Variants in NSUN2 observed in about 807,000 individuals in gnomAD.
The protein encoded by NSUN2 is RNA cytosine C(5)-methyltransferase NSUN2.
In NSUN2, 63 loss-of-function variants were observed where a neutral mutation model predicts 92.7. The ratio of observed to expected loss-of-function variants is 0.68; its 90% CI spans 0.56 to 0.84. The LOEUF (loss-of-function observed/expected upper bound fraction) is 0.84. Ranked by LOEUF, NSUN2 falls within the 40% of genes least tolerant of loss-of-function variation. The pLI, the probability that NSUN2 is intolerant of heterozygous loss-of-function variation, is 0.00. For missense variants in NSUN2, 989 were observed against 964.9 expected, an observed-to-expected ratio of 1.02 and a Z score of -0.33; for synonymous variants, 356 against 348.3, an observed-to-expected ratio of 1.02 and a Z score of -0.25.
chr5:6,605,039 C>G (rs1245979901), intron 15 of NSUN2: 2 of 614,688 alleles, frequency 3.3e-6, no homozygotes, highest in African/African-American at 3.7e-5. Context: ...CACCCCCCTG[C>G]GGGAATGGGG....
At chr5:6,626,380 CT>C (rs34809741) in intron 3 of NSUN2, among the ~76,000 whole-genome samples, 28,796 of 145,562 alleles carry the variant, frequency 0.2, 3,153 homozygotes, top group East Asian at 0.4. Flanking sequence ...AAAACACTGC[CT>C]TTTTTTTTTT....
chr5:6,620,336 C>T (rs371981979), intron 6 of NSUN2, 38 bp from the exon 7 acceptor site: 39 of 1,468,566 alleles, frequency 2.7e-5, no homozygotes, highest in Non-Finnish European at 3.6e-5. Flanking sequence ...TGAAATGGAG[C>T]CTAAGTGGAA....
chr5:6,632,431 T>C (rs1737957492), intron 2 of NSUN2, among the ~76,000 whole-genome samples, 168 bp downstream of exon 2: 1 of 152,182 alleles, frequency 6.6e-6, no homozygotes, highest in Non-Finnish European at 1.5e-5. Flanking sequence ...AATACCTCCG[T>C]GACCATTTCA....
intron 3 of NSUN2, 39 bp downstream of exon 3, chr5:6,631,834 C>T (rs766133845): frequency 1.5e-6 from 2 of 1,369,168 alleles, no homozygotes; most frequent in Non-Finnish European, 2.1e-6. Context: ...AGATTAATAT[C>T]CCAAATAAAT....
chr5:6,623,309 C>T (rs1475550687), intron 4 of NSUN2, 24 bp from the exon 5 acceptor site: 16 of 1,466,356 alleles, frequency 1.1e-5, no homozygotes, highest in Non-Finnish European at 1.4e-5. Flanking sequence ...AAAAAATCAG[C>T]AACAATTAGG....
chr5:6,612,250 G>A (rs1270957972), intron 9 of NSUN2, among the ~76,000 whole-genome samples: 1 of 152,176 alleles, frequency 6.6e-6, no homozygotes, highest in African/African-American at 2.4e-5. Context: ...GCTGCAGGAC[G>A]CCTGCTCCGT....
At chr5:6,622,549 T>C (rs1579375012) in intron 5 of NSUN2, among the ~76,000 whole-genome samples, 1 of 151,974 alleles carries the variant, frequency 6.6e-6, no homozygotes, top group Admixed American at 6.5e-5. Context: ...CTAATTCACC[T>C]AAAAAACACA....
At position 6,607,042 on chromosome 5, in the gene NSUN2, C is replaced by T. The variant is rs78481667; in HGVS notation, c.1509-130G>A. ...GTTTGCGGCAGATGTTGAAACCTTC[C>T]GGCTTCCACAGAGTCCAGCCCTCAC... On this transcript the variant is annotated intron_variant, in intron 13 of 18. Coordinates refer to ENST00000264670, the MANE Select transcript of NSUN2 (RefSeq NM_017755.6). The T allele has an allele frequency of 2.4e-3, 2,304 of 968,408 alleles. 29 individuals carry two copies. The African/African-American group carries it at 0.03, about 13-fold the overall frequency. 60.0% of individuals were successfully genotyped at this position (968,408 alleles called of 1,614,324 possible).
chr5:6,614,775 T>C (rs888526985), intron 9 of NSUN2, among the ~76,000 whole-genome samples: 1 of 151,954 alleles, frequency 6.6e-6, no homozygotes, highest in African/African-American at 2.4e-5. Context: ...TTTGCGGTAA[T>C]GAGACAGGCA....
chr5:6,632,959 AC>A lies in NSUN2; in HGVS notation c.20del (p.Gly7ValfsTer72). ...GCCGCTGCTGTTGCTGGAGCCGCCG[AC>A]CCCGCGACCGCCGCCCCATAGCCCA... MGRRSR[G>X]RRLQQQQRPE... is the part of the protein sequence containing the mutation. On this transcript the variant is annotated frameshift_variant, in exon 1 of 19. Coordinates refer to ENST00000264670, the MANE Select transcript of NSUN2 (RefSeq NM_017755.6). LOFTEE classifies it high-confidence loss of function. The A allele has an allele frequency of 2.7e-6, 4 of 1,489,648 alleles. No homozygotes were observed. The highest frequency in any genetic ancestry group is 2.8e-5 in the East Asian group (1 of 35,952). The allele number at this position is 1,489,648 out of a possible 1,614,324, so 92.3% of individuals were successfully genotyped here. A position where few individuals can be genotyped will look rare whatever the true frequency, so the allele number is the denominator to read the frequency against.
chr5:6,618,221 T>C (rs376808950), intron 7 of NSUN2, among the ~76,000 whole-genome samples, 197 bp from the exon 8 acceptor site: 1 of 152,232 alleles, frequency 6.6e-6, no homozygotes, highest in Admixed American at 6.5e-5. Flanking sequence ...TTTTAAATTA[T>C]ACTTCAATTT....
At chr5:6,632,453 G>T in intron 2 of NSUN2, 146 bp downstream of exon 2, 1 of 875,832 alleles carries the variant, frequency 1.1e-6, no homozygotes. Context: ...TGGACCCTGT[G>T]CTCCCCACCT....
intron 4 of NSUN2, among the ~76,000 whole-genome samples, chr5:6,625,114 A>C (rs1737604534): frequency 6.6e-6 from 1 of 151,962 alleles, no homozygotes; most frequent in African/African-American, 2.4e-5. Context: ...AAAAAAAAAA[A>C]CACAGTAAAA....
Position 6,632,915 on chromosome 5 carries a change from CCATCCTCCG to C in NSUN2, c.56_64del (p.Ala19_Asp21del). ...GCCGCGCTTTCCACCACCCTCGGCG[CCATCCTCCG>C]CGTCCTCCGGCCGCTGCTGTTGCTG... On this transcript the variant is annotated inframe_deletion, in exon 1 of 19. Transcript: ENST00000264670. 2 of 1,521,402 alleles carry C rather than the reference CCATCCTCCG, an allele frequency of 1.3e-6. No individual in the cohort carries two copies. The highest frequency in any genetic ancestry group is 1.8e-6 in the Non-Finnish European group (2 of 1,141,122). The allele number at this position is 1,521,402 out of a possible 1,614,324, so 94.2% of individuals were successfully genotyped here.
intron 10 of NSUN2, among the ~76,000 whole-genome samples, chr5:6,611,467 C>CAAAAAAAAAAAAAAAAAAAAAAAAA (rs1553997593): frequency 6.2e-5 from 4 of 64,864 alleles, no homozygotes; most frequent in African/African-American, 1.7e-4. Flanking sequence ...AAAAAAAAAG[C>CAAAAAAAAAAAAAAAAAAAAAAAAA]AAAGCTACCC....
chr5:6,613,821 G>A lies in NSUN2; in HGVS notation c.1022-2023C>T, dbSNP rs113275244. ...TTCAAAAGAAAGCCTGCCAGGCCAG[G>A]CATGGTGGCTCACACCTGTAATCCC... On this transcript the variant is annotated intron_variant, in intron 9 of 18. Coordinates refer to ENST00000264670, the MANE Select transcript of NSUN2 (RefSeq NM_017755.6). 8.4e-3 allele frequency among the ~76,000 whole-genome samples: 1,277 copies of A among 152,226 alleles called. 22 individuals carry two copies. The highest frequency in any genetic ancestry group is 0.03 in the African/African-American group (1,235 of 41,542).
intron 4 of NSUN2, among the ~76,000 whole-genome samples, chr5:6,624,953 T>TA (rs1355009290): frequency 6.6e-6 from 1 of 152,066 alleles, no homozygotes; most frequent in African/African-American, 2.4e-5. Context: ...ATGCTAAAGG[T>TA]AAAAAGCTCA....
intron 6 of NSUN2, chr5:6,621,299 AG>A (rs1737425776): frequency 6.6e-6 from 1 of 152,158 alleles, no homozygotes; most frequent in South Asian, 2.1e-4. Context: ...GTCTGATGGT[AG>A]CTTTTAACTA....
At position 6,611,105 on chromosome 5, in the gene NSUN2, A is replaced by G. The variant is rs1736967905; in HGVS notation, c.1096-20T>C. 1 of 1,614,118 alleles carries G rather than the reference A, an allele frequency of 6.2e-7. No homozygotes were observed. Among genetic ancestry groups the G allele is most frequent in the Non-Finnish European group, 8.5e-7 (1 of 1,179,968 alleles). ...CATTACCTGCAGAACCACAGGGTAC[A>G]TTCCAGATTACTAGCACTATCCAAT... is the stretch of plus-strand genomic sequence containing the variant. On this transcript the variant is annotated intron_variant, in intron 10 of 18. Coordinates refer to ENST00000264670, the MANE Select transcript of NSUN2 (RefSeq NM_017755.6).
Sources: allele counts gnomAD v4.1 joint callset (sites outside exome capture counted in the v4.1 genomes callset), GRCh38; gene constraint gnomAD v4.1.1; transcripts MANE v1.5; gene names NCBI Gene and HGNC (gene_info 2026-07-23, HGNC 2026-07-21).